Variants in ZC3H3 observed in about 807,000 individuals in gnomAD.
The protein encoded by ZC3H3 is zinc finger CCCH-type containing 3.
In ZC3H3, 36 loss-of-function variants were observed where a neutral mutation model predicts 77.3. That is an observed-to-expected ratio of 0.47 (90% CI 0.36 to 0.61). ZC3H3 has a LOEUF of 0.61. Among genes scored for constraint, ZC3H3 ranks in the 20% least tolerant of loss-of-function variants. ZC3H3 has a pLI of 0.00. For synonymous variants in ZC3H3, 626 were observed against 555.2 expected, an observed-to-expected ratio of 1.13 and a Z score of -1.79; for missense variants, 1,331 against 1,312.2, an observed-to-expected ratio of 1.01 and a Z score of -0.22.
At chr8:143,457,128 G>C (rs1820142373) in intron 9 of ZC3H3, among the ~76,000 whole-genome samples, 1 of 152,176 alleles carries the variant, frequency 6.6e-6, no homozygotes, top group South Asian at 2.1e-4. Flanking sequence ...ACCAACAACA[G>C]TGGGATATAC....
At chr8:143,541,235 G>A in intron 1 of ZC3H3, 141 bp downstream of exon 1, 4 of 1,480,586 alleles carry the variant, frequency 2.7e-6, no homozygotes, top group Non-Finnish European at 3.6e-6. Context: ...CACAAGTCCT[G>A]GCGGACCCTA....
chr8:143,464,192 G>A (rs906685010), intron 9 of ZC3H3, among the ~76,000 whole-genome samples: 2 of 152,274 alleles, frequency 1.3e-5, no homozygotes, highest in African/African-American at 2.4e-5. Flanking sequence ...TCATGCGGGC[G>A]CCGCGGCGCG....
intron 5 of ZC3H3, among the ~76,000 whole-genome samples, chr8:143,470,252 A>C (rs1051747522): frequency 1.3e-5 from 2 of 152,200 alleles, no homozygotes; most frequent in African/African-American, 4.8e-5. Flanking sequence ...CTCAAGTTTC[A>C]AAAGGGCAGC....
intron 4 of ZC3H3, among the ~76,000 whole-genome samples, chr8:143,476,122 G>A (rs965393607): frequency 3.9e-5 from 6 of 152,128 alleles, no homozygotes; most frequent in African/African-American, 1.2e-4. Context: ...TCTACCAACC[G>A]GCCCCAGCAC....
At chr8:143,524,446 A>G (rs1822347399) in intron 3 of ZC3H3, among the ~76,000 whole-genome samples, 1 of 152,210 alleles carries the variant, frequency 6.6e-6, no homozygotes, top group Non-Finnish European at 1.5e-5. Context: ...CTGGTCAGAC[A>G]CACCCGGCCG....
At chr8:143,439,555 G>C (rs1819670327) in intron 11 of ZC3H3, among the ~76,000 whole-genome samples, 1 of 152,178 alleles carries the variant, frequency 6.6e-6, no homozygotes, top group African/African-American at 2.4e-5. Context: ...CGGGGGAGAG[G>C]GAACATCTGT....
chr8:143,499,068 A>G (rs1210073917), intron 4 of ZC3H3, among the ~76,000 whole-genome samples: 1 of 152,104 alleles, frequency 6.6e-6, no homozygotes, highest in Non-Finnish European at 1.5e-5. Flanking sequence ...AAACCACGCA[A>G]GCCGCATTTC....
intron 3 of ZC3H3, among the ~76,000 whole-genome samples, chr8:143,522,258 C>T (rs902390170): frequency 2.0e-5 from 3 of 152,234 alleles, no homozygotes; most frequent in African/African-American, 7.2e-5. Context: ...CACCTCACAG[C>T]ACAGAAGACT....
chr8:143,440,893 G>A, intron 10 of ZC3H3, 43 bp downstream of exon 10: 2 of 1,359,048 alleles, frequency 1.5e-6, no homozygotes, highest in Non-Finnish European at 1.9e-6. Context: ...GACAGGGAGG[G>A]GGCCACCCAG....
intron 3 of ZC3H3, among the ~76,000 whole-genome samples, chr8:143,515,713 T>A (rs544401269): frequency 5.9e-5 from 9 of 152,184 alleles, no homozygotes; most frequent in Non-Finnish European, 1.3e-4. Context: ...CAGGTGGGAA[T>A]GTGGCCAAGG....
intron 11 of ZC3H3, among the ~76,000 whole-genome samples, chr8:143,438,653 C>T (rs1205571273): frequency 6.6e-6 from 1 of 152,152 alleles, no homozygotes; most frequent in Non-Finnish European, 1.5e-5. Context: ...GGGGCTCCTG[C>T]CCCATGAATG....
At position 143,439,253 on chromosome 8, in the gene ZC3H3, G is replaced by A. The variant is rs539106780; in HGVS notation, c.2815+788C>T. Among the ~76,000 whole-genome samples, 53 of 152,328 alleles carry A rather than the reference G, an allele frequency of 3.5e-4. No homozygotes were observed. In the South Asian group the frequency reaches 8.5e-3, roughly 24 times the overall value. The stretch of plus-strand genomic sequence containing the variant: ...GCTCCACGCCCCTGACGTGGAGGCT[G>A]TGAACAGGAGGCGGCCCCTCCGAGG... On this transcript the variant is annotated intron_variant, in intron 11 of 11. Coordinates refer to ENST00000262577, the MANE Select transcript of ZC3H3 (RefSeq NM_015117.3).
intron 9 of ZC3H3, among the ~76,000 whole-genome samples, chr8:143,446,850 A>G (rs117896081): frequency 6.6e-6 from 1 of 152,342 alleles, no homozygotes; most frequent in East Asian, 1.9e-4. Flanking sequence ...GGGGCCCGCA[A>G]CCGGAGAACT....
intron 3 of ZC3H3, among the ~76,000 whole-genome samples, chr8:143,528,938 C>T (rs751744391): frequency 2.0e-5 from 3 of 152,350 alleles, no homozygotes; most frequent in Admixed American, 6.5e-5. Context: ...ACAGGCAGGA[C>T]GGACAATAAG....
chr8:143,465,854 G>A lies in ZC3H3; in HGVS notation c.2176-6C>T. The A allele has an allele frequency of 6.2e-7, 1 of 1,608,630 alleles. No individual in the cohort carries two copies. The highest frequency in any genetic ancestry group is 8.5e-7 in the Non-Finnish European group (1 of 1,179,554). The stretch of plus-strand genomic sequence containing the variant: ...AAGTAGGAGCACACCGGCATCTGCA[G>A]GGAGGGCCGGCAGTGAGGGCCAGCA... On this transcript the variant is annotated splice_polypyrimidine_tract_variant and splice_region_variant and intron_variant, in intron 8 of 11. Transcript: ENST00000262577.
chr8:143,438,022 G>C lies in ZC3H3; in HGVS notation c.*34C>G, dbSNP rs767153451. 3.4e-5 allele frequency: 54 copies of C among 1,604,572 alleles called. No homozygotes were observed. Among genetic ancestry groups the C allele is most frequent in the South Asian group, 2.9e-4 (26 of 89,156 alleles). On this transcript the variant is annotated 3_prime_UTR_variant, in exon 12 of 12. Transcript: ENST00000262577. Reference sequence around the variant, plus strand: ...GCCTCTTTCCTCTCCAAGGATGAGGGTCTGAGGTAGGTGCAGGCCGGTCCC... The same window carrying C: ...GCCTCTTTCCTCTCCAAGGATGAGGCTCTGAGGTAGGTGCAGGCCGGTCCC...
Position 143,475,546 on chromosome 8 carries a change from C to A in ZC3H3, c.1755G>T (p.Gly585=). The A allele has an allele frequency of 1.2e-6, 2 of 1,609,612 alleles. No individual in the cohort carries two copies. The highest frequency in any genetic ancestry group is 1.7e-6 in the Non-Finnish European group (2 of 1,178,576). ...GGGAGCCCGGTTGGGCTTTCCCACCCCCGCTGGCAACTGGACGCAGGCGGT... is the reference window on the plus strand; with the variant it reads ...GGGAGCCCGGTTGGGCTTTCCCACCACCGCTGGCAACTGGACGCAGGCGGT... ...VLNRLRPVAS[G]GGKAQPGSPW... Residue 585 remains glycine, a synonymous_variant, in exon 5 of 12, where the codon GGG becomes GGT. Transcript: ENST00000262577.
intron 3 of ZC3H3, among the ~76,000 whole-genome samples, chr8:143,525,879 G>A (rs923292283): frequency 6.6e-6 from 1 of 152,242 alleles, no homozygotes; most frequent in African/African-American, 2.4e-5. Context: ...TCTCCCAGGA[G>A]GCCTCCCCAC....
chr8:143,475,377 G>A (rs749348370), intron 5 of ZC3H3, 21 bp downstream of exon 5: 22 of 1,601,022 alleles, frequency 1.4e-5, no homozygotes, highest in East Asian at 1.1e-4. Flanking sequence ...ATCTCCCAGC[G>A]CCCCCGCCCT....
Sources: gnomAD v4.1 joint callset for allele counts (sites outside exome capture counted in the v4.1 genomes callset) on GRCh38, gnomAD v4.1.1 for gene constraint, MANE v1.5 for transcripts, NCBI Gene and HGNC (gene_info 2026-07-23, HGNC 2026-07-21) for gene names.